The following KIF20B variants were observed in gnomAD, a reference collection of about 807,000 sequenced individuals.
KIF20B encodes the protein kinesin-like protein KIF20B.
In KIF20B, 188 loss-of-function variants were observed where a neutral mutation model predicts 232.5. The observed-to-expected ratio is 0.81, with a 90% CI of 0.72 to 0.91. KIF20B has a LOEUF of 0.91. KIF20B is among the 40% of genes least tolerant of loss of function. The probability of loss-of-function intolerance (pLI) is 0.00; values close to 1 mark genes in which losing one functional copy is unlikely to be tolerated. For missense variants in KIF20B, 2,154 were observed against 2,055.9 expected, an observed-to-expected ratio of 1.05 and a Z score of -0.92; for synonymous variants, 712 against 683.0, an observed-to-expected ratio of 1.04 and a Z score of -0.66.
intron 19 of KIF20B, among the ~76,000 whole-genome samples, chr10:89,737,076 A>G (rs1841670287): frequency 6.6e-6 from 1 of 152,132 alleles, no homozygotes; most frequent in African/African-American, 2.4e-5. Flanking sequence ...TTGTGGTACA[A>G]AATTTAAATA....
intron 13 of KIF20B, among the ~76,000 whole-genome samples, chr10:89,721,141 T>C (rs1010035098): frequency 2.0e-5 from 3 of 152,208 alleles, no homozygotes; most frequent in Non-Finnish European, 2.9e-5. Context: ...ATCACAGTAC[T>C]CTTCTGGATT....
chr10:89,745,546 A>C (rs1841890957), intron 22 of KIF20B, among the ~76,000 whole-genome samples: 1 of 151,920 alleles, frequency 6.6e-6, no homozygotes, highest in African/African-American at 2.4e-5. Flanking sequence ...TAAATAAATA[A>C]ATAAATAAAG....
intron 28 of KIF20B, 116 bp from the exon 29 acceptor site, chr10:89,762,522 C>T (rs947661977): frequency 1.1e-4 from 77 of 702,622 alleles, no homozygotes; most frequent in African/African-American, 4.5e-4. Context: ...TGATCTAGCA[C>T]GCTTTTTGTC....
At chr10:89,767,259 G>A (rs1842381258) in intron 29 of KIF20B, among the ~76,000 whole-genome samples, 2 of 149,338 alleles carry the variant, frequency 1.3e-5, no homozygotes, top group Admixed American at 6.8e-5. Flanking sequence ...GTATACACAT[G>A]CTATGGTGGT....
Position 89,708,223 on chromosome 10 carries a change from T to C in KIF20B, c.148-944T>C, listed in dbSNP as rs534037937. On this transcript the variant is annotated intron_variant, in intron 2 of 32. Coordinates refer to ENST00000371728, the MANE Select transcript of KIF20B (RefSeq NM_001284259.2). ...TTTATGTACAATTTGTATTTTTTTT[T>C]TTTTTGAGACGGAGTTCTGCTCTTG... is the stretch of plus-strand genomic sequence containing the variant. Among the ~76,000 whole-genome samples, 26 of 152,316 alleles carry C rather than the reference T, an allele frequency of 1.7e-4. No homozygotes were observed. The East Asian group carries it at 4.6e-3, about 27-fold the overall frequency.
chr10:89,735,096 TAA>T (rs1841618754), intron 19 of KIF20B, among the ~76,000 whole-genome samples: 1 of 152,170 alleles, frequency 6.6e-6, no homozygotes, highest in South Asian at 2.1e-4. Context: ...TTTTCAGTGT[TAA>T]AGAGAGAACA....
intron 1 of KIF20B, among the ~76,000 whole-genome samples, 192 bp downstream of exon 1, chr10:89,701,872 A>G (rs933851095): frequency 6.6e-6 from 1 of 152,176 alleles, no homozygotes; most frequent in Admixed American, 6.5e-5. Context: ...AATGAGTCAT[A>G]CTAATTCGGT....
chr10:89,749,033 A>T (rs1841974647), intron 23 of KIF20B, among the ~76,000 whole-genome samples: 1 of 152,116 alleles, frequency 6.6e-6, no homozygotes, highest in South Asian at 2.1e-4. Flanking sequence ...TTTTTTCTAA[A>T]TATAAAGGTA....
intron 15 of KIF20B, among the ~76,000 whole-genome samples, chr10:89,726,082 A>T (rs1843181401): frequency 6.6e-6 from 1 of 152,206 alleles, no homozygotes; most frequent in South Asian, 2.1e-4. Context: ...CATTGTTTTT[A>T]TGCGAAAATA....
In KIF20B at chr10:89,754,600, A is replaced by C; in HGVS notation, c.4430A>C (p.Glu1477Ala). The change falls in exon 26 of 33, where the codon GAG becomes GCG. Residue 1477 changes from glutamate (E) to alanine (A), a missense_variant. Coordinates refer to ENST00000371728, the MANE Select transcript of KIF20B (RefSeq NM_001284259.2). ...MMLITQAKEAENIRNKEMKKY... is the reference protein window; with the variant it reads ...MMLITQAKEAANIRNKEMKKY... ...CTTATCACTCAAGCGAAAGAAGCAG[A>C]GAATATACGAAATAAAGAGATGAAA... The C allele has an allele frequency of 1.2e-6, 2 of 1,607,136 alleles. No homozygotes were observed. The highest frequency in any genetic ancestry group is 1.7e-6 in the Non-Finnish European group (2 of 1,176,838).
At chr10:89,750,840 T>C (rs1156438823) in intron 23 of KIF20B, among the ~76,000 whole-genome samples, 1 of 152,112 alleles carries the variant, frequency 6.6e-6, no homozygotes, top group Middle Eastern at 3.2e-3. Flanking sequence ...TAGAAACAAA[T>C]ATTTGACTCT....
intron 26 of KIF20B, among the ~76,000 whole-genome samples, chr10:89,755,051 G>T (rs1390308056): frequency 6.6e-6 from 1 of 152,126 alleles, no homozygotes. Context: ...GTTTGTAAAA[G>T]ACTATATATA....
At chr10:89,718,256 G>T (rs1842976091) in intron 11 of KIF20B, among the ~76,000 whole-genome samples, 2 of 152,096 alleles carry the variant, frequency 1.3e-5, no homozygotes, top group South Asian at 4.1e-4. Context: ...AGGCATGGTG[G>T]CTTATGCCTG....
At chr10:89,705,688 T>C (rs1015258647) in intron 2 of KIF20B, among the ~76,000 whole-genome samples, 4 of 152,242 alleles carry the variant, frequency 2.6e-5, no homozygotes, top group Non-Finnish European at 5.9e-5. Context: ...TATTGGTTTA[T>C]TTATTTACTA....
In KIF20B at chr10:89,738,598, A is replaced by C; in HGVS notation, c.3757A>C (p.Asn1253His). Reference sequence around the variant, plus strand: ...ATTAAAAGAAGAAGAAGAAGAAACCAACAGGCAAGAAACAGAAAAGTAAGC... The same window carrying C: ...ATTAAAAGAAGAAGAAGAAGAAACCCACAGGCAAGAAACAGAAAAGTAAGC... ...LQLKEEEEET[N>H]RQETEKLKEE... Residue 1253 changes from asparagine (N) to histidine (H), a missense_variant, in exon 20 of 33, where the codon AAC becomes CAC. Physicochemically the swap from Asn to His is moderately conservative, Grantham distance 68. Coordinates refer to ENST00000371728, the MANE Select transcript of KIF20B (RefSeq NM_001284259.2). The C allele has an allele frequency of 6.4e-7, 1 of 1,551,592 alleles. No homozygotes were observed. Among genetic ancestry groups the C allele is most frequent in the African/African-American group, 1.4e-5 (1 of 71,778 alleles).
At position 89,757,040 on chromosome 10, in the gene KIF20B, G is replaced by GTGTGTA. The variant is rs1301847520; in HGVS notation, c.4504-1665_4504-1664insGTGTAT. On this transcript the variant is annotated intron_variant, in intron 26 of 32. Transcript: ENST00000371728. ...ATCTCTGTTGTGTGTGTGTGTGTGTGTATATATATATATATATATATATAT... is the reference window on the plus strand; with the variant it reads ...ATCTCTGTTGTGTGTGTGTGTGTGTGTGTGTATATATATATATATATATATATATAT... Among the ~76,000 whole-genome samples the GTGTGTA allele has an allele frequency of 2.2e-3, 244 of 110,742 alleles. 1 individual carries two copies. The highest frequency in any genetic ancestry group is 6.4e-3 in the African/African-American group (191 of 29,938). 72.7% of individuals were successfully genotyped at this position (110,742 alleles called of 152,430 possible).
chr10:89,731,912 T>C (rs1281240641), intron 18 of KIF20B, among the ~76,000 whole-genome samples: 2 of 152,222 alleles, frequency 1.3e-5, no homozygotes, highest in Non-Finnish European at 1.5e-5. Context: ...TTTAAAAGGT[T>C]ATTTTTATCT....
At chr10:89,718,354 TA>T (rs1473181981) in intron 11 of KIF20B, among the ~76,000 whole-genome samples, 1 of 151,760 alleles carries the variant, frequency 6.6e-6, no homozygotes, top group African/African-American at 2.4e-5. Flanking sequence ...AAAATAAAAA[TA>T]AAAAAATTAA....
chr10:89,738,145 C>T lies in KIF20B; in HGVS notation c.3304C>T (p.Leu1102=), dbSNP rs78400882. ...AGGCTATAAGGATGAAAACAATAGACTAAAGGAGAAGGAGCATAAAAACCA... is the reference window on the plus strand; with the variant it reads ...AGGCTATAAGGATGAAAACAATAGATTAAAGGAGAAGGAGCATAAAAACCA... ...VKGYKDENNR[L]KEKEHKNQDD... The change falls in exon 20 of 33, where the codon CTA becomes TTA. Residue 1102 remains leucine (L), a synonymous_variant. Transcript: ENST00000371728. The T allele has an allele frequency of 2.3e-4, 362 of 1,608,702 alleles. 2 individuals carry two copies. Among genetic ancestry groups the T allele is most frequent in the South Asian group, 6.6e-4 (60 of 90,910 alleles).
Sources: allele counts gnomAD v4.1 joint callset (sites outside exome capture counted in the v4.1 genomes callset), GRCh38; gene constraint gnomAD v4.1.1; transcripts MANE v1.5; gene names NCBI Gene and HGNC (gene_info 2026-07-23, HGNC 2026-07-21).